Variants in PRKG1 observed in about 807,000 individuals in gnomAD.
PRKG1 encodes protein kinase cGMP-dependent 1, also known as cGMP-dependent protein kinase 1.
Under a neutral mutation model 88.1 loss-of-function variants are expected in PRKG1, and 35 were observed. That is an observed-to-expected ratio of 0.40 (90% CI 0.30 to 0.53). The LOEUF is 0.53. Ranked by LOEUF, PRKG1 falls within the 20% of genes least tolerant of loss-of-function variation. The probability of loss-of-function intolerance (pLI) is 0.59; values close to 1 mark genes in which losing one functional copy is unlikely to be tolerated. For synonymous variants in PRKG1, 303 were observed against 292.5 expected, an observed-to-expected ratio of 1.04 and a Z score of -0.37; for missense variants, 540 against 839.8, an observed-to-expected ratio of 0.64 and a Z score of 4.41.
chr10:52,034,381 G>C (rs868371062), intron 5 of PRKG1, among the ~76,000 whole-genome samples: 3 of 126,640 alleles, frequency 2.4e-5, no homozygotes, highest in Admixed American at 8.1e-5. Context: ...TAAGCTGAAG[G>C]GAGGCCTTGT....
At chr10:52,100,503 G>A (rs1847271749) in intron 7 of PRKG1, among the ~76,000 whole-genome samples, 1 of 152,186 alleles carries the variant, frequency 6.6e-6, no homozygotes, top group African/African-American at 2.4e-5. Context: ...ACACCGAAGG[G>A]TTAAATGCTA....
intron 1 of PRKG1, among the ~76,000 whole-genome samples, chr10:51,061,642 G>T (rs1452962776): frequency 6.6e-6 from 1 of 152,084 alleles, no homozygotes; most frequent in Non-Finnish European, 1.5e-5. Context: ...CACATCTCAT[G>T]TCCTTTTTCC....
chr10:52,288,268 C>A lies in PRKG1; in HGVS notation c.1710-458C>A, dbSNP rs1842165078. On this transcript the variant is annotated intron_variant, in intron 14 of 17. Transcript: ENST00000373980. ...CACCATGAGGTAGGAAAGTGCTCGG[C>A]ATTTCAGTGGAACAGAGAGAAGGCT... Among the ~76,000 whole-genome samples, 3 of 152,074 alleles carry A rather than the reference C, an allele frequency of 2.0e-5. No homozygotes were observed. In the South Asian group the frequency reaches 6.2e-4, roughly 31 times the overall value.
At chr10:51,837,556 T>G (rs910951547) in intron 4 of PRKG1, among the ~76,000 whole-genome samples, 5 of 152,152 alleles carry the variant, frequency 3.3e-5, no homozygotes, top group Admixed American at 2.6e-4. Flanking sequence ...TGTTGCCTAC[T>G]AGAACTTTAT....
chr10:51,042,228 C>T (rs940663097), intron 1 of PRKG1, among the ~76,000 whole-genome samples: 3 of 152,172 alleles, frequency 2.0e-5, no homozygotes, highest in African/African-American at 7.2e-5. Context: ...TAAAAAACCC[C>T]TGGTAACCTC....
chr10:51,894,458 GAGAC>G (rs1841794593), intron 4 of PRKG1, among the ~76,000 whole-genome samples: 1 of 152,162 alleles, frequency 6.6e-6, no homozygotes, highest in Admixed American at 6.5e-5. Flanking sequence ...AAAAGTTCTG[GAGAC>G]AGACAGTGGT....
At chr10:51,474,509 A>G (rs1461842370) in intron 3 of PRKG1, among the ~76,000 whole-genome samples, 1 of 151,990 alleles carries the variant, frequency 6.6e-6, no homozygotes, top group Non-Finnish European at 1.5e-5. Flanking sequence ...GAGACATACA[A>G]TGGGCAATCA....
chr10:51,849,462 G>A (rs1840489742), intron 4 of PRKG1, among the ~76,000 whole-genome samples: 1 of 152,102 alleles, frequency 6.6e-6, no homozygotes, highest in Admixed American at 6.6e-5. Flanking sequence ...GCAAAGTTAT[G>A]TTTCCTTATC....
At chr10:51,684,405 G>T (rs1476289707) in intron 3 of PRKG1, among the ~76,000 whole-genome samples, 1 of 152,014 alleles carries the variant, frequency 6.6e-6, no homozygotes, top group Non-Finnish European at 1.5e-5. Flanking sequence ...TGTGGTGGTG[G>T]CTGCACAACT....
chr10:51,874,393 C>T (rs1006259057), intron 4 of PRKG1, among the ~76,000 whole-genome samples: 6 of 152,082 alleles, frequency 3.9e-5, no homozygotes, highest in South Asian at 2.1e-4. Flanking sequence ...GCATGAAAGC[C>T]GAGAAGTAGT....
intron 3 of PRKG1, among the ~76,000 whole-genome samples, chr10:51,788,894 A>G (rs1435146933): frequency 6.6e-6 from 1 of 152,180 alleles, no homozygotes; most frequent in African/African-American, 2.4e-5. Flanking sequence ...GAGATTAATT[A>G]AGGATATGTC....
In PRKG1 at chr10:51,919,594, A is replaced by G. The variant is rs578130102; in HGVS notation, c.762+12024A>G. On this transcript the variant is annotated intron_variant, in intron 5 of 17. Transcript: ENST00000373980. ...TACATTACAGATGTTAATAATTGCT[A>G]GGCATGAGAGTGTTGTCTCTCCCTG... Among the ~76,000 whole-genome samples, 20 of 151,744 alleles carry G rather than the reference A, an allele frequency of 1.3e-4. No homozygotes were observed. The South Asian group carries it at 4.2e-3, about 32-fold the overall frequency.
chr10:51,655,735 A>C (rs1840145213), intron 3 of PRKG1, among the ~76,000 whole-genome samples: 1 of 152,158 alleles, frequency 6.6e-6, no homozygotes, highest in African/African-American at 2.4e-5. Context: ...CTTAGTGATA[A>C]ATACTGTGCA....
At chr10:51,472,628 T>C (rs1010828299) in intron 3 of PRKG1, among the ~76,000 whole-genome samples, 1 of 151,956 alleles carries the variant, frequency 6.6e-6, no homozygotes, top group African/African-American at 2.4e-5. Context: ...CAGATACTTT[T>C]TTAGAAAATA....
At chr10:51,340,007 T>C (rs957174580) in intron 2 of PRKG1, among the ~76,000 whole-genome samples, 7 of 152,144 alleles carry the variant, frequency 4.6e-5, no homozygotes, top group African/African-American at 1.7e-4. Context: ...ATCAGTAGTA[T>C]GATGAACTGC....
chr10:51,330,148 TTTTATTTA>T (rs1841700581), intron 2 of PRKG1, among the ~76,000 whole-genome samples: 3 of 120,972 alleles, frequency 2.5e-5, no homozygotes, highest in Non-Finnish European at 3.6e-5. Context: ...TTTATTTATT[TTTTATTTA>T]TTTTTTTTTT....
chr10:52,013,773 A>G (rs1453339544), intron 5 of PRKG1, among the ~76,000 whole-genome samples: 1 of 152,210 alleles, frequency 6.6e-6, no homozygotes, highest in Non-Finnish European at 1.5e-5. Flanking sequence ...ATCAACCTGT[A>G]TGTTAGTAAG....
At chr10:51,167,875 C>G (rs1846592236) in intron 2 of PRKG1, among the ~76,000 whole-genome samples, 1 of 152,088 alleles carries the variant, frequency 6.6e-6, no homozygotes, top group South Asian at 2.1e-4. Flanking sequence ...TTCCTGAAAG[C>G]TCAATTGAGA....
chr10:51,967,975 A>G (rs891284922), intron 5 of PRKG1, among the ~76,000 whole-genome samples: 1 of 152,178 alleles, frequency 6.6e-6, no homozygotes, highest in African/African-American at 2.4e-5. Flanking sequence ...AACTGCTTAG[A>G]AATCTTTCTC....
Sources: gnomAD v4.1 joint callset for allele counts (sites outside exome capture counted in the v4.1 genomes callset) on GRCh38, gnomAD v4.1.1 for gene constraint, MANE v1.5 for transcripts, NCBI Gene and HGNC (gene_info 2026-07-23, HGNC 2026-07-21) for gene names.